DDX11: variants seen among roughly 807,000 people sequenced by gnomAD.
The protein encoded by DDX11 is DEAD/H-box helicase 11.
In DDX11, 72 loss-of-function variants were observed where a neutral mutation model predicts 125.2. That is an observed-to-expected ratio of 0.58 (90% confidence interval 0.48 to 0.70). The LOEUF (loss-of-function observed/expected upper bound fraction) is 0.70, where lower values mean the gene tolerates loss of function less well. Among genes scored for constraint, DDX11 ranks in the 30% least tolerant of loss-of-function variants. The pLI is 0.00. For missense variants in DDX11, 883 were observed against 1,165.0 expected, an observed-to-expected ratio of 0.76 and a Z score of 3.52; for synonymous variants, 347 against 452.6, an observed-to-expected ratio of 0.77 and a Z score of 2.96.
chr12:31,101,049 C>T lies in DDX11; in HGVS notation c.1971C>T (p.Asn657=). 1 of 1,614,182 alleles carries T rather than the reference C, an allele frequency of 6.2e-7. No individual in the cohort carries two copies. The highest frequency in any genetic ancestry group is 8.5e-7 in the Non-Finnish European group (1 of 1,179,990). ...CAGGTCACGTGATCCCTCCAGACAA[C>T]ATCCTGCCCCTCGTCATCTGCAGCG... ...FSCGHVIPPD[N]ILPLVICSGI... The change falls in exon 20 of 27, where the codon AAC becomes AAT. Residue 657 remains asparagine, a synonymous_variant. Coordinates refer to ENST00000542838, the MANE Select transcript of DDX11 (RefSeq NM_030653.4).
chr12:31,095,304 C>G (rs1159075812), intron 14 of DDX11, among the ~76,000 whole-genome samples: 1 of 152,194 alleles, frequency 6.6e-6, no homozygotes. Context: ...GTGACTGCCC[C>G]CGGGTACAGG....
chr12:31,093,338 C>A lies in DDX11; in HGVS notation c.1369+14C>A, dbSNP rs377234729. ...CTGTGCTAGGGGGTGAGAGCCTCGTCCCCCTGCTGACCCCGGGCCTGCAAA... is the reference window on the plus strand; with the variant it reads ...CTGTGCTAGGGGGTGAGAGCCTCGTACCCCTGCTGACCCCGGGCCTGCAAA... On this transcript the variant is annotated intron_variant, in intron 12 of 26. Transcript: ENST00000542838. The A allele has an allele frequency of 3.7e-6, 6 of 1,613,708 alleles. No individual in the cohort carries two copies. In the African/African-American group the frequency reaches 5.3e-5, roughly 14 times the overall value.
rs1018167945 is a variant in DDX11 at position 31,084,134 on chromosome 12, C to T, written c.393+73C>T. 1.3e-5 allele frequency: 21 copies of T among 1,587,010 alleles called. No homozygotes were observed. The African/African-American group carries it at 1.6e-4, about 12-fold the overall frequency. On this transcript the variant is annotated intron_variant, in intron 3 of 26. Transcript: ENST00000542838. The stretch of plus-strand genomic sequence containing the variant: ...TTCAGCGATTGTTCTGGGGCGATTC[C>T]GAGACTCAGGCAGTGCATGCTCCCC...
At chr12:31,096,015 TTCC>T (rs1362066926) in intron 14 of DDX11, among the ~76,000 whole-genome samples, 1 of 102,508 alleles carries the variant, frequency 9.8e-6, no homozygotes, top group East Asian at 6.0e-4. Flanking sequence ...CTCATAGAAG[TTCC>T]TTTTTTTTTT....
chr12:31,099,929 T>C (rs1946084759), intron 18 of DDX11, among the ~76,000 whole-genome samples: 1 of 152,214 alleles, frequency 6.6e-6, no homozygotes, highest in Admixed American at 6.5e-5. Flanking sequence ...GTCTTCATTT[T>C]TCCCTTTCCT....
intron 8 of DDX11, 196 bp from the exon 9 acceptor site, chr12:31,089,690 G>T: frequency 8.2e-7 from 1 of 1,215,408 alleles, no homozygotes; most frequent in Non-Finnish European, 1.2e-6. Context: ...GCTTGGAGAT[G>T]ATTTTACGGG....
At chr12:31,084,463 T>C (rs1942653682) in intron 3 of DDX11, 120 bp from the exon 4 acceptor site, 1 of 917,480 alleles carries the variant, frequency 1.1e-6, no homozygotes, top group Non-Finnish European at 1.8e-6. Flanking sequence ...CCTTGAGTGC[T>C]GGCCGGGGAA....
At chr12:31,076,293 A>G (rs1940708122) in intron 1 of DDX11, among the ~76,000 whole-genome samples, 2 of 152,198 alleles carry the variant, frequency 1.3e-5, no homozygotes, top group African/African-American at 4.8e-5. Flanking sequence ...TGTATCCGGC[A>G]CCTGGCTGAG....
intron 2 of DDX11, among the ~76,000 whole-genome samples, chr12:31,081,313 C>T (rs1162127144): frequency 2.6e-5 from 4 of 152,220 alleles, no homozygotes; most frequent in Non-Finnish European, 5.9e-5. Context: ...TAGAAGCAGC[C>T]ATGCTGTGGG....
chr12:31,102,181 G>A lies in DDX11; in HGVS notation c.2203-62G>A, dbSNP rs1351545549. 47 of 1,573,806 alleles carry A rather than the reference G, an allele frequency of 3.0e-5. No homozygotes were observed. The Admixed American group carries it at 5.3e-4, about 18-fold the overall frequency. On this transcript the variant is annotated intron_variant, in intron 21 of 26. Coordinates refer to ENST00000542838, the MANE Select transcript of DDX11 (RefSeq NM_030653.4). ...CCCTGGCCAGAAAACACAAGGCCAC[G>A]AGCAGACTCGAGACCTGGCACCCTG...
At chr12:31,080,417 C>G (rs1002120919) in intron 2 of DDX11, among the ~76,000 whole-genome samples, 1 of 152,206 alleles carries the variant, frequency 6.6e-6, no homozygotes, top group Non-Finnish European at 1.5e-5. Context: ...CCACTTAGAG[C>G]CCACTTCCTG....
Position 31,093,425 on chromosome 12 carries a change from A to T in DDX11, c.1369+101A>T, listed in dbSNP as rs766843491. The T allele has an allele frequency of 4.8e-5, 74 of 1,533,952 alleles. No individual in the cohort carries two copies. The Middle Eastern group carries it at 5.1e-4, about 10-fold the overall frequency. On this transcript the variant is annotated intron_variant, in intron 12 of 26. Coordinates refer to ENST00000542838, the MANE Select transcript of DDX11 (RefSeq NM_030653.4). The stretch of plus-strand genomic sequence containing the variant: ...GACACCTCAGTTCTCTGTGTTTTTA[A>T]GAAGGGTCGGCCGGGTGCGGTGGCT...
At chr12:31,094,445 T>G in intron 12 of DDX11, 145 bp from the exon 13 acceptor site, 1 of 1,459,652 alleles carries the variant, frequency 6.9e-7, no homozygotes, top group Non-Finnish European at 9.4e-7. Flanking sequence ...GTCCGTTGCA[T>G]GCTATAAACA....
chr12:31,074,246 A>C (rs1325807461), intron 1 of DDX11, 155 bp downstream of exon 1: 4 of 143,104 alleles, frequency 2.8e-5, no homozygotes, highest in African/African-American at 1.1e-4. Context: ...CATTAACAGC[A>C]GCCGCGTGTC....
At chr12:31,088,263 C>CT (rs751816022) in intron 6 of DDX11, among the ~76,000 whole-genome samples, 53 of 152,014 alleles carry the variant, frequency 3.5e-4, no homozygotes, top group Non-Finnish European at 7.2e-4. Flanking sequence ...GGAGACCTCT[C>CT]TTGAGTTTGG....
At chr12:31,103,434 G>T (rs3925642) in intron 25 of DDX11, 39 bp downstream of exon 25, 772,185 of 1,600,014 alleles carry the variant, frequency 0.48, 193,154 homozygotes, top group East Asian at 0.84. Flanking sequence ...ACAGATGGGG[G>T]CTGGAGAAAG....
At chr12:31,093,185 G>T in intron 11 of DDX11, 60 bp from the exon 12 acceptor site, 1 of 1,530,018 alleles carries the variant, frequency 6.5e-7, no homozygotes, top group Non-Finnish European at 8.9e-7. Context: ...TTCCACTGGG[G>T]TGGGCGGGGC....
chr12:31,089,443 T>A lies in DDX11; in HGVS notation c.833T>A (p.Val278Glu). 1 of 1,613,982 alleles carries A rather than the reference T, an allele frequency of 6.2e-7. No homozygotes were observed. Among genetic ancestry groups the A allele is most frequent in the Non-Finnish European group, 8.5e-7 (1 of 1,179,866 alleles). ...GAAGACGTGAAAAGCCTAGGTTCTG[T>A]GCAGCTTATCAACGACCGCTGTGTG... ...VNEDVKSLGS[V>E]QLINDRCVDM... The change falls in exon 8 of 27, where the codon GTG (valine) becomes GAG (glutamate). Residue 278 changes from valine (V) to glutamate (E), a missense_variant. Transcript: ENST00000542838.
At chr12:31,077,758 G>C (rs1940966482) in intron 1 of DDX11, among the ~76,000 whole-genome samples, 2 of 151,970 alleles carry the variant, frequency 1.3e-5, no homozygotes, top group African/African-American at 4.8e-5. Flanking sequence ...GCAGGAGAAT[G>C]GTGTGAACCC....
Sources: gnomAD v4.1 joint callset for allele counts (sites outside exome capture counted in the v4.1 genomes callset) on GRCh38, gnomAD v4.1.1 for gene constraint, MANE v1.5 for transcripts, NCBI Gene and HGNC (gene_info 2026-07-23, HGNC 2026-07-21) for gene names.